The following SLC27A5 variants were observed in gnomAD, a reference collection of about 807,000 sequenced individuals.
SLC27A5 encodes the protein long-chain fatty acid transport protein 5.
A neutral mutation model predicts 63.1 loss-of-function variants in SLC27A5; 47 were observed. That is an observed-to-expected ratio of 0.74 (90% CI 0.59 to 0.95). SLC27A5 has a LOEUF of 0.95. Among genes scored for constraint, SLC27A5 ranks in the 40% least tolerant of loss-of-function variants. SLC27A5 has a pLI of 0.00. For missense variants in SLC27A5, 940 were observed against 921.0 expected (o/e 1.02, Z -0.27); for synonymous variants, 391 against 403.8 (o/e 0.97, Z 0.38).
intron 3 of SLC27A5, among the ~76,000 whole-genome samples, chr19:58,503,884 G>A (rs2053312279): frequency 6.6e-6 from 1 of 152,080 alleles, no homozygotes; most frequent in South Asian, 2.1e-4. Flanking sequence ...AGGCCAACGT[G>A]TTCAGATCAC....
chr19:58,502,197 T>C (rs2053281660), intron 3 of SLC27A5, among the ~76,000 whole-genome samples: 2 of 150,052 alleles, frequency 1.3e-5, no homozygotes, highest in Admixed American at 1.3e-4. Flanking sequence ...GTTAGAGTAG[T>C]GAGTGAGTAG....
chr19:58,501,086 G>T (rs1042993664), intron 4 of SLC27A5, 200 bp downstream of exon 4: 3 of 1,166,802 alleles, frequency 2.6e-6, no homozygotes, highest in Non-Finnish European at 3.5e-6. Context: ...TTTTCCAAAT[G>T]AGGACACTGA....
At chr19:58,502,120 TTAGAG>T (rs1210856145) in intron 3 of SLC27A5, among the ~76,000 whole-genome samples, 1 of 152,134 alleles carries the variant, frequency 6.6e-6, no homozygotes, top group East Asian at 1.9e-4. Flanking sequence ...GGATGGACAG[TTAGAG>T]TAGTGAGTGA....
At position 58,498,507 on chromosome 19, in the gene SLC27A5, C is replaced by T. The variant is rs1046573601; in HGVS notation, c.*8G>A. 6 of 1,604,722 alleles carry T rather than the reference C, an allele frequency of 3.7e-6. No individual in the cohort carries two copies. In the African/African-American group the frequency reaches 6.7e-5, roughly 18 times the overall value. On this transcript the variant is annotated 3_prime_UTR_variant, in exon 10 of 10. Transcript: ENST00000263093. ...TTTGATCCCTACCCCAGTGGGTTGG[C>T]CAGGTGATCAGAGCCTCCAGGTTCC...
intron 3 of SLC27A5, 46 bp from the exon 4 acceptor site, chr19:58,501,456 G>A (rs1246832511): frequency 1.3e-6 from 2 of 1,593,892 alleles, no homozygotes; most frequent in African/African-American, 2.7e-5. Flanking sequence ...CTTCCAAATT[G>A]TTGTAAGAAG....
intron 3 of SLC27A5, chr19:58,508,756 TG>T (rs996080734): frequency 2.0e-5 from 3 of 150,434 alleles, no homozygotes; most frequent in African/African-American, 7.3e-5. Flanking sequence ...CAACCACACA[TG>T]GCCATGATAA....
At chr19:58,511,146 T>C (rs2053405938) in intron 1 of SLC27A5, 122 bp downstream of exon 1, 1 of 1,116,384 alleles carries the variant, frequency 9.0e-7, no homozygotes, top group African/African-American at 1.6e-5. Flanking sequence ...AAGTCTTGAT[T>C]ATAATTGCCT....
intron 3 of SLC27A5, among the ~76,000 whole-genome samples, chr19:58,502,592 T>C (rs1014110839): frequency 6.4e-5 from 7 of 110,232 alleles, no homozygotes; most frequent in African/African-American, 2.0e-4. Context: ...AGTGAGTAGA[T>C]GGATGGGTGG....
At chr19:58,510,311 C>CGTGA (rs1284545803) in intron 2 of SLC27A5, 11 of 374,482 alleles carry the variant, frequency 2.9e-5, no homozygotes, top group African/African-American at 2.3e-4. Flanking sequence ...CAGTGGCTCA[C>CGTGA]GCCTGTAATC....
intron 3 of SLC27A5, among the ~76,000 whole-genome samples, chr19:58,506,602 T>C (rs1332407437): frequency 6.6e-6 from 1 of 151,196 alleles, no homozygotes; most frequent in Non-Finnish European, 1.5e-5. Flanking sequence ...TGTTAACAAT[T>C]ATTGATGCTG....
intron 2 of SLC27A5, chr19:58,510,504 G>A: frequency 4.1e-6 from 2 of 489,338 alleles, no homozygotes; most frequent in South Asian, 6.7e-5. Context: ...AACCCAGGAG[G>A]TGGAGGTTGC....
chr19:58,500,827 G>A (rs759319511), intron 4 of SLC27A5, 121 bp from the exon 5 acceptor site: 6 of 1,480,950 alleles, frequency 4.1e-6, no homozygotes, highest in Non-Finnish European at 5.4e-6. Context: ...AGGTGATGGG[G>A]GACCTCTACC....
intron 3 of SLC27A5, chr19:58,507,797 C>T (rs2053364014): frequency 6.6e-6 from 1 of 152,060 alleles, no homozygotes; most frequent in African/African-American, 2.4e-5. Flanking sequence ...GAATGTCTGT[C>T]CTATGCAGTT....
At chr19:58,498,992 G>A in intron 8 of SLC27A5, 77 bp from the exon 9 acceptor site, 1 of 1,590,088 alleles carries the variant, frequency 6.3e-7, no homozygotes, top group Non-Finnish European at 8.6e-7. Flanking sequence ...GCCCAGCTCT[G>A]CTCACTGGCT....
At position 58,511,776 on chromosome 19, in the gene SLC27A5, C is replaced by G. The variant is rs745795074; in HGVS notation, c.180G>C (p.Val60=). Reference sequence around the variant, plus strand: ...CAGCTGCCAGGCTCAGCCCATGGGGCACCCAGGGGCCGAGCCAGGGCCGTG... The same window carrying G: ...CAGCTGCCAGGCTCAGCCCATGGGGGACCCAGGGGCCGAGCCAGGGCCGTG... ...MLARPWLGPW[V]PHGLSLAAAA... The change falls in exon 1 of 10, where the codon GTG becomes GTC. Residue 60 remains valine, a synonymous_variant. Transcript: ENST00000263093. 29 of 1,553,142 alleles carry G rather than the reference C, an allele frequency of 1.9e-5. No homozygotes were observed. Among genetic ancestry groups the G allele is most frequent in the Admixed American group, 3.9e-5 (2 of 51,478 alleles).
intron 4 of SLC27A5, 69 bp from the exon 5 acceptor site, chr19:58,500,775 AG>A: frequency 6.4e-7 from 1 of 1,572,422 alleles, no homozygotes; most frequent in Middle Eastern, 1.8e-4. Flanking sequence ...CTTTACCTAG[AG>A]GGGGTGTTAT....
rs368262442 is a variant in SLC27A5 at position 58,500,395 on chromosome 19, A to T, written c.1412T>A (p.Met471Lys). Reference sequence around the variant, plus strand: ...GTCCCTCACAGGCTCCGCCGCCTCCATGTCGAACTGCACCAGCTCAAAGGG... The same window carrying T: ...GTCCCTCACAGGCTCCGCCGCCTCCTTGTCGAACTGCACCAGCTCAAAGGG... Reference protein sequence around the residue: ...LSPFELVQFDMEAAEPVRDNQ... With the variant: ...LSPFELVQFDKEAAEPVRDNQ... The change falls in exon 6 of 10, where the codon ATG becomes AAG. Residue 471 changes from methionine (M) to lysine (K), a missense_variant. Physicochemically the swap from Met to Lys is moderately conservative, Grantham distance 95 (BLOSUM62 -1). Transcript: ENST00000263093. 1 of 1,613,794 alleles carries T rather than the reference A, an allele frequency of 6.2e-7. No individual in the cohort carries two copies.
chr19:58,504,183 T>G (rs1433271613), intron 3 of SLC27A5, among the ~76,000 whole-genome samples: 1 of 152,152 alleles, frequency 6.6e-6, no homozygotes, highest in Non-Finnish European at 1.5e-5. Flanking sequence ...CATATGATAT[T>G]AAGGGGTTAC....
chr19:58,506,862 G>A (rs1281170413), intron 3 of SLC27A5, among the ~76,000 whole-genome samples: 1 of 151,816 alleles, frequency 6.6e-6, no homozygotes, highest in African/African-American at 2.4e-5. Flanking sequence ...AGTGGCCTCA[G>A]CTTCCCAAAG....
Sources: gnomAD v4.1 joint callset for allele counts (sites outside exome capture counted in the v4.1 genomes callset) on GRCh38, gnomAD v4.1.1 for gene constraint, MANE v1.5 for transcripts, NCBI Gene and HGNC (gene_info 2026-07-23, HGNC 2026-07-21) for gene names.